AQP7B: variants seen among roughly 807,000 people sequenced by gnomAD.
AQP7B encodes putative aquaporin-7B.
the AQP7B span, among the ~76,000 whole-genome samples, chr2:94,591,371 C>T: frequency 8.5e-5 from 13 of 152,262 alleles, no homozygotes; most frequent in South Asian, 1.7e-3. Flanking sequence ...TGAGCTGCCC[C>T]GCTCCCTTCC....
At chr2:94,598,557 G>A in the AQP7B span, among the ~76,000 whole-genome samples, 1 of 152,190 alleles carries the variant, frequency 6.6e-6, no homozygotes, top group Admixed American at 6.5e-5. Flanking sequence ...TTGGCTGGCT[G>A]CAGAGTGCCA....
the AQP7B span, among the ~76,000 whole-genome samples, chr2:94,591,638 G>C: frequency 6.6e-6 from 1 of 152,222 alleles, no homozygotes; most frequent in Middle Eastern, 3.4e-3. Context: ...TCTGCCACCT[G>C]GCTCTGGCCC....
the AQP7B span, among the ~76,000 whole-genome samples, chr2:94,591,841 C>G: frequency 6.6e-6 from 1 of 152,142 alleles, no homozygotes; most frequent in Non-Finnish European, 1.5e-5. Flanking sequence ...AGCCTCCTAC[C>G]CCCTCCTCTA....
the AQP7B span, chr2:94,603,687 A>T: frequency 7.2e-7 from 1 of 1,379,646 alleles, no homozygotes; most frequent in African/African-American, 1.4e-5. Context: ...GGCCCAGGTG[A>T]GCTGCCACAG....
the AQP7B span, chr2:94,602,735 C>T: frequency 1.0e-4 from 109 of 1,088,630 alleles, no homozygotes; most frequent in Non-Finnish European, 1.4e-4. Flanking sequence ...GGCCACCGGG[C>T]AGGAGGAAGT....
At chr2:94,590,959 A>AAAAAAAAAAG in the AQP7B span, among the ~76,000 whole-genome samples, 1 of 151,352 alleles carries the variant, frequency 6.6e-6, no homozygotes, top group East Asian at 1.9e-4. Context: ...AAAAAAAAAA[A>AAAAAAAAAAG]AAAAAAAAAG....
At chr2:94,587,708 A>G in the AQP7B span, among the ~76,000 whole-genome samples, 7 of 152,228 alleles carry the variant, frequency 4.6e-5, no homozygotes, top group African/African-American at 1.7e-4. Flanking sequence ...CTATCAGCAG[A>G]CCATGGGGGT....
At chr2:94,600,280 A>G in the AQP7B span, among the ~76,000 whole-genome samples, 69 of 152,310 alleles carry the variant, frequency 4.5e-4, no homozygotes, top group East Asian at 7.9e-3. Context: ...CAACTCTAGA[A>G]CAGAGTTCTC....
the AQP7B span, among the ~76,000 whole-genome samples, chr2:94,602,337 G>C: frequency 6.6e-6 from 1 of 151,880 alleles, no homozygotes; most frequent in Admixed American, 6.6e-5. Context: ...AGTGAGGAGG[G>C]AAGGCTCTGG....
At chr2:94,599,418 A>G in the AQP7B span, among the ~76,000 whole-genome samples, 1 of 150,666 alleles carries the variant, frequency 6.6e-6, no homozygotes, top group Non-Finnish European at 1.5e-5. Context: ...TTTCTCAGAC[A>G]TCCCCAAAGC....
the AQP7B span, among the ~76,000 whole-genome samples, chr2:94,595,473 A>G: frequency 6.6e-6 from 1 of 151,986 alleles, no homozygotes. Context: ...AGAGAGATTG[A>G]AGAGAAACTT....
At chr2:94,590,061 G>A in the AQP7B span, among the ~76,000 whole-genome samples, 3 of 152,252 alleles carry the variant, frequency 2.0e-5, no homozygotes, top group Middle Eastern at 3.4e-3. Context: ...CCAGTCCCAG[G>A]CTGCTTCTCT....
At chr2:94,602,897 G>T in the AQP7B span, 4 of 1,041,620 alleles carry the variant, frequency 3.8e-6, no homozygotes, top group Admixed American at 8.4e-5. Context: ...CCTGCCTCAC[G>T]GGGTGGTTGT....
the AQP7B span, chr2:94,588,424 A>G: frequency 2.3e-5 from 14 of 610,580 alleles, no homozygotes; most frequent in African/African-American, 2.0e-4. Flanking sequence ...TCCCCTGGGG[A>G]CCAAGGTCTG....
chr2:94,603,636 T>G, the AQP7B span: 12 of 1,314,448 alleles, frequency 9.1e-6, no homozygotes, highest in African/African-American at 1.6e-4. Context: ...GCTGGTGGGC[T>G]TGGGTCTGGG....
chr2:94,603,654 C>T, the AQP7B span: 52 of 1,312,514 alleles, frequency 4.0e-5, 1 homozygote, highest in East Asian at 3.7e-4. Flanking sequence ...GGGCCACTGC[C>T]GATGTCCTGT....
the AQP7B span, chr2:94,604,618 CT>C: frequency 6.6e-7 from 1 of 1,510,586 alleles, no homozygotes; most frequent in African/African-American, 1.4e-5. Context: ...TAAAGCAAAG[CT>C]TGTCCCACAG....
At chr2:94,590,380 G>T in the AQP7B span, among the ~76,000 whole-genome samples, 2 of 152,030 alleles carry the variant, frequency 1.3e-5, no homozygotes, top group East Asian at 3.9e-4. Context: ...TGGAAATGGG[G>T]TTCTGCCATG....
chr2:94,604,233 A>C, the AQP7B span: 8 of 1,496,834 alleles, frequency 5.3e-6, no homozygotes, highest in Non-Finnish European at 6.3e-6. Flanking sequence ...AAGGTGGATG[A>C]GGGTGCTGTC....
Sources: allele counts gnomAD v4.1 joint callset (sites outside exome capture counted in the v4.1 genomes callset), GRCh38; gene constraint gnomAD v4.1.1; transcripts MANE v1.5; gene names NCBI Gene and HGNC (gene_info 2026-07-23, HGNC 2026-07-21).